Variants in SCN11A observed in about 807,000 individuals in gnomAD.
SCN11A encodes the protein sodium voltage-gated channel alpha subunit 11.
A neutral mutation model predicts 162.2 loss-of-function variants in SCN11A; 122 were observed. The ratio of observed to expected loss-of-function variants is 0.75; its 90% confidence interval spans 0.65 to 0.87. The LOEUF is 0.87. Ranked by LOEUF, SCN11A falls within the 40% of genes least tolerant of loss-of-function variation. SCN11A has a pLI of 0.00. For missense variants in SCN11A, 2,015 were observed against 2,181.6 expected (o/e 0.92, Z 1.52); for synonymous variants, 758 against 751.5 (o/e 1.01, Z -0.14).
intron 1 of SCN11A, among the ~76,000 whole-genome samples, chr3:39,048,560 G>T (rs2032240004): frequency 6.6e-6 from 1 of 152,014 alleles, no homozygotes; most frequent in Admixed American, 6.6e-5. Context: ...TTGTATACAG[G>T]TATCAAAATA....
chr3:38,877,746 T>C (rs1157957124), intron 23 of SCN11A, among the ~76,000 whole-genome samples: 1 of 131,620 alleles, frequency 7.6e-6, no homozygotes, highest in Non-Finnish European at 1.6e-5. Flanking sequence ...ATATATGGTG[T>C]ATATACTATA....
chr3:38,934,561 A>C lies in SCN11A; in HGVS notation c.489-7630T>G, dbSNP rs548226123. Among the ~76,000 whole-genome samples, 739 of 152,240 alleles carry C rather than the reference A, an allele frequency of 4.9e-3. 13 individuals are homozygous for C. Among genetic ancestry groups the C allele is most frequent in the Admixed American group, 0.021 (324 of 15,302 alleles). On this transcript the variant is annotated intron_variant, in intron 7 of 29. Coordinates refer to ENST00000302328, the MANE Select transcript of SCN11A (RefSeq NM_001349253.2). ...TACCAAGCAAATGGAAAACAAAAAA[A>C]GGCAGGGGTTGCAATCCTAGTCTCT...
intron 17 of SCN11A, among the ~76,000 whole-genome samples, chr3:38,898,629 C>T (rs73068506): frequency 3.3e-5 from 5 of 152,038 alleles, no homozygotes; most frequent in African/African-American, 7.2e-5. Flanking sequence ...TAGATCTTCA[C>T]GGACTTTATA....
intron 2 of SCN11A, among the ~76,000 whole-genome samples, chr3:38,982,563 C>G (rs2125590987): frequency 6.6e-6 from 1 of 152,202 alleles, no homozygotes; most frequent in Non-Finnish European, 1.5e-5. Context: ...TACGAACAAC[C>G]CAGTGGATTG....
intron 1 of SCN11A, among the ~76,000 whole-genome samples, chr3:39,048,900 G>A (rs746696052): frequency 2.0e-5 from 3 of 152,214 alleles, no homozygotes; most frequent in Non-Finnish European, 4.4e-5. Context: ...CTTTGGCTAA[G>A]GACTAGGCCA....
chr3:39,015,979 C>T (rs985200263), intron 2 of SCN11A, among the ~76,000 whole-genome samples: 3 of 152,228 alleles, frequency 2.0e-5, no homozygotes, highest in South Asian at 2.1e-4. Context: ...TCAAGTGATC[C>T]GCCAAACTCA....
intron 2 of SCN11A, among the ~76,000 whole-genome samples, chr3:39,031,064 G>A (rs542691824): frequency 3.0e-4 from 46 of 152,018 alleles, no homozygotes; most frequent in Non-Finnish European, 6.3e-4. Context: ...TGGTTTATGT[G>A]TCTCTAATAT....
At position 38,857,322 on chromosome 3, in the gene SCN11A, C is replaced by A. The variant is rs149546885; in HGVS notation, c.4056+5873G>T. ...TATCATAAAGAAAAAATACTCACAA[C>A]TTCTGGAAATGAAAGAAACACCTAC... On this transcript the variant is annotated intron_variant, in intron 28 of 29. Transcript: ENST00000302328. 1.1e-3 allele frequency among the ~76,000 whole-genome samples: 172 copies of A among 152,132 alleles called. 1 individual carries two copies. Among genetic ancestry groups the A allele is most frequent in the African/African-American group, 3.0e-3 (125 of 41,542 alleles).
At chr3:39,024,785 G>C (rs1206264452) in intron 2 of SCN11A, among the ~76,000 whole-genome samples, 2 of 150,838 alleles carry the variant, frequency 1.3e-5, no homozygotes, top group African/African-American at 5.0e-5. Context: ...AGACAGACAG[G>C]CCTTGCTGGA....
At chr3:38,866,573 C>A (rs2065044686) in intron 27 of SCN11A, among the ~76,000 whole-genome samples, 1 of 152,140 alleles carries the variant, frequency 6.6e-6, no homozygotes, top group Non-Finnish European at 1.5e-5. Flanking sequence ...AAGCTTATAA[C>A]TAATGAGGTC....
At chr3:38,878,168 T>TAATA (rs71085341) in intron 23 of SCN11A, among the ~76,000 whole-genome samples, 9,421 of 148,294 alleles carry the variant, frequency 0.064, 460 homozygotes, top group African/African-American at 0.13. Flanking sequence ...TATTGAAATA[T>TAATA]AATAAATAAA....
At chr3:38,940,412 T>G (rs1465853566) in intron 7 of SCN11A, among the ~76,000 whole-genome samples, 1 of 152,164 alleles carries the variant, frequency 6.6e-6, no homozygotes, top group Non-Finnish European at 1.5e-5. Flanking sequence ...AAAAGGAACC[T>G]CTAGCACTCC....
chr3:39,032,899 C>A (rs2031797316), intron 1 of SCN11A, among the ~76,000 whole-genome samples: 1 of 152,166 alleles, frequency 6.6e-6, no homozygotes, highest in Non-Finnish European at 1.5e-5. Context: ...TGCCTACAAT[C>A]CCAACACTTT....
At chr3:38,974,998 C>T (rs947051241) in intron 2 of SCN11A, among the ~76,000 whole-genome samples, 8 of 150,310 alleles carry the variant, frequency 5.3e-5, no homozygotes, top group Admixed American at 6.7e-5. Context: ...TACCAATGAA[C>T]GGCAATTTAA....
At chr3:38,872,711 T>G (rs763941187) in intron 23 of SCN11A, among the ~76,000 whole-genome samples, 2 of 152,192 alleles carry the variant, frequency 1.3e-5, no homozygotes, top group Non-Finnish European at 2.9e-5. Context: ...ATCACTGTAT[T>G]GTAATCATGT....
chr3:38,882,599 A>G (rs1489231638), intron 22 of SCN11A, among the ~76,000 whole-genome samples: 2 of 152,138 alleles, frequency 1.3e-5, no homozygotes, highest in Non-Finnish European at 2.9e-5. Context: ...GGGAGGAGAA[A>G]GGGAGACAAG....
chr3:38,936,341 T>G (rs1481584350), intron 7 of SCN11A, among the ~76,000 whole-genome samples: 1 of 148,136 alleles, frequency 6.8e-6, no homozygotes, highest in Non-Finnish European at 1.5e-5. Flanking sequence ...ACCACTCCTA[T>G]TCAACATAGT....
In SCN11A at chr3:39,051,858, T is replaced by C. The variant is rs1382491853; in HGVS notation, c.-404+3A>G. 2 of 742,812 alleles carry C rather than the reference T, an allele frequency of 2.7e-6. No individual in the cohort carries two copies. The highest frequency in any genetic ancestry group is 1.8e-5 in the African/African-American group (1 of 56,156). 46.0% of individuals were successfully genotyped at this position (742,812 alleles called of 1,614,324 possible). On this transcript the variant is annotated splice_donor_region_variant and intron_variant, in intron 1 of 29. Coordinates refer to ENST00000302328, the MANE Select transcript of SCN11A (RefSeq NM_001349253.2). ...CAGTGGTTTTGTTTTTAGGTGCATC[T>C]ACCTCATCACATGGCTACCGGCCAC...
At chr3:39,044,442 A>AT (rs2032137664) in intron 1 of SCN11A, among the ~76,000 whole-genome samples, 1 of 152,218 alleles carries the variant, frequency 6.6e-6, no homozygotes, top group Admixed American at 6.5e-5. Flanking sequence ...GTCTCAACAC[A>AT]TTTTTTAAAA....
Sources: gnomAD v4.1 joint callset for allele counts (sites outside exome capture counted in the v4.1 genomes callset) on GRCh38, gnomAD v4.1.1 for gene constraint, MANE v1.5 for transcripts, NCBI Gene and HGNC (gene_info 2026-07-23, HGNC 2026-07-21) for gene names.